STK32B: variants seen among roughly 807,000 people sequenced by gnomAD.
STK32B encodes serine/threonine-protein kinase 32B.
In STK32B, 43 loss-of-function variants were observed where a neutral mutation model predicts 52.6. That is an observed-to-expected ratio of 0.82 (90% CI 0.64 to 1.05). The LOEUF is 1.05. STK32B is among the 50% of genes least tolerant of loss of function. STK32B has a pLI of 0.00. For missense variants in STK32B, 621 were observed against 534.6 expected (o/e 1.16, Z -1.59); for synonymous variants, 238 against 204.3 (o/e 1.17, Z -1.41).
chr4:5,308,338 T>C (rs1004667151), intron 3 of STK32B, among the ~76,000 whole-genome samples: 1 of 152,170 alleles, frequency 6.6e-6, no homozygotes, highest in African/African-American at 2.4e-5. Context: ...TCACGAGTGG[T>C]TCTCCACATG....
chr4:5,110,306 G>A (rs928533403), intron 1 of STK32B, among the ~76,000 whole-genome samples: 62 of 124,570 alleles, frequency 5.0e-4, no homozygotes, highest in African/African-American at 1.7e-3. Context: ...AATGACCAAA[G>A]CACTCCTGAG....
chr4:5,332,333 T>G (rs1732314462), intron 4 of STK32B, among the ~76,000 whole-genome samples: 2 of 152,012 alleles, frequency 1.3e-5, no homozygotes, highest in South Asian at 4.1e-4. Flanking sequence ...GAAACTGAAT[T>G]TAATGTTGCT....
In STK32B at chr4:5,380,991, A is replaced by C. The variant is rs756671922; in HGVS notation, c.435-17216A>C. Among the ~76,000 whole-genome samples the C allele has an allele frequency of 1.3e-5, 2 of 152,186 alleles. No homozygotes were observed. Among genetic ancestry groups the C allele is most frequent in the Non-Finnish European group, 2.9e-5 (2 of 68,032 alleles). ...CCACCGCCTGGGAAGCAATTTGCAG[A>C]GCAGTTACACAGTGTAAATGACCAC... On this transcript the variant is annotated intron_variant, in intron 4 of 11. Transcript: ENST00000282908. This position sits in a 1 kb window ranked among gnomAD's most constrained non-coding sequence, Gnocchi z 4.3.
At chr4:5,328,588 T>G (rs530979835) in intron 3 of STK32B, among the ~76,000 whole-genome samples, 1 of 152,178 alleles carries the variant, frequency 6.6e-6, no homozygotes, top group Non-Finnish European at 1.5e-5. Context: ...TGGATGCCAT[T>G]TGAGGAGCTT....
chr4:5,299,414 C>G (rs562152646), intron 3 of STK32B, among the ~76,000 whole-genome samples: 12 of 144,936 alleles, frequency 8.3e-5, no homozygotes, highest in African/African-American at 3.4e-4. Flanking sequence ...TGAGGTCTTA[C>G]ATTTTTTTAA....
chr4:5,122,890 C>T (rs1484132457), intron 1 of STK32B, among the ~76,000 whole-genome samples: 2 of 152,148 alleles, frequency 1.3e-5, no homozygotes, highest in African/African-American at 4.8e-5. Context: ...GCCTGAGTCC[C>T]TTCTCCACCT....
At chr4:5,158,317 C>T (rs11931705) in intron 2 of STK32B, among the ~76,000 whole-genome samples, 2 of 151,952 alleles carry the variant, frequency 1.3e-5, no homozygotes, top group Admixed American at 6.6e-5. Flanking sequence ...GTCCTGGGGT[C>T]CCTGTGCCTT....
At chr4:5,310,830 A>G (rs980241629) in intron 3 of STK32B, among the ~76,000 whole-genome samples, 3 of 152,230 alleles carry the variant, frequency 2.0e-5, no homozygotes, top group Non-Finnish European at 2.9e-5. Context: ...AAAATGTGGT[A>G]TATGTACATG....
intron 6 of STK32B, among the ~76,000 whole-genome samples, chr4:5,421,018 G>C (rs1232560768): frequency 6.6e-6 from 1 of 152,178 alleles, no homozygotes; most frequent in African/African-American, 2.4e-5. Context: ...TCCTGCCTCA[G>C]CCTCCCAAGT....
intron 3 of STK32B, among the ~76,000 whole-genome samples, chr4:5,284,470 G>T (rs1016788966): frequency 1.7e-4 from 26 of 151,734 alleles, no homozygotes; most frequent in South Asian, 8.3e-4. Context: ...GGTTCGTATG[G>T]TTTTTTTTGT....
At chr4:5,427,909 T>C (rs1713233682) in intron 6 of STK32B, among the ~76,000 whole-genome samples, 1 of 151,544 alleles carries the variant, frequency 6.6e-6, no homozygotes, top group Non-Finnish European at 1.5e-5. Context: ...TTCTTCTCTC[T>C]TATCTCTTAT....
At chr4:5,299,258 C>A (rs1043958986) in intron 3 of STK32B, among the ~76,000 whole-genome samples, 7 of 151,994 alleles carry the variant, frequency 4.6e-5, no homozygotes, top group Non-Finnish European at 1.0e-4. Context: ...CTTGCCAGAT[C>A]CTTCTTTTTA....
chr4:5,460,108 G>T lies in STK32B; in HGVS notation c.789G>T (p.Leu263=). 1 of 1,614,186 alleles carries T rather than the reference G, an allele frequency of 6.2e-7. No individual in the cohort carries two copies. The change falls in exon 9 of 12, where the codon CTG becomes CTT. Residue 263 remains leucine, a synonymous_variant. Transcript: ENST00000282908. This position sits in a 1 kb window ranked among gnomAD's most constrained non-coding sequence, Gnocchi z 4.8. ...KGMVALLRKL[L]TKDPESRVSS... ...CATTTGCCCTCTAACTGCAGCTCCT[G>T]ACCAAGGATCCTGAGAGCCGCGTGT...
intron 3 of STK32B, among the ~76,000 whole-genome samples, chr4:5,230,178 C>CTT (rs752036100): frequency 0.019 from 1,365 of 71,068 alleles, 131 homozygotes; most frequent in African/African-American, 0.058. Context: ...CATGCATTCC[C>CTT]TTTTTTTTTT....
rs1717307586 is a variant in STK32B, at chr4:5,150,864, C to T, written c.108+10904C>T. 2.6e-5 allele frequency among the ~76,000 whole-genome samples: 4 copies of T among 152,284 alleles called. No individual in the cohort carries two copies. In the South Asian group the frequency reaches 8.3e-4, roughly 32 times the overall value. ...AAAATATTTTAGAGTAGTGTCTCAT[C>T]TTAATGTTGAGATTTTATGGCTTCA... On this transcript the variant is annotated intron_variant, in intron 2 of 11. Coordinates refer to ENST00000282908, the MANE Select transcript of STK32B (RefSeq NM_018401.3).
intron 6 of STK32B, among the ~76,000 whole-genome samples, chr4:5,443,860 A>G (rs10020821): frequency 0.093 from 14,205 of 152,034 alleles, 1,008 homozygotes; most frequent in East Asian, 0.4. Flanking sequence ...ATACCCTGCC[A>G]TGTGAGGTGT....
At position 5,467,091 on chromosome 4, in the gene STK32B, C is replaced by T. The variant is rs1033163805; in HGVS notation, c.1041+257C>T. On this transcript the variant is annotated intron_variant, in intron 10 of 11. Transcript: ENST00000282908. This position sits in a 1 kb window ranked among gnomAD's most constrained non-coding sequence, Gnocchi z 5.8. ...CTCTAAGGCAGGGGGAGGGACCCAG[C>T]GGTCCCACTGCGCCCTTGAGAAAGA... Among the ~76,000 whole-genome samples, 6 of 152,210 alleles carry T rather than the reference C, an allele frequency of 3.9e-5. No homozygotes were observed. The highest frequency in any genetic ancestry group is 2.1e-4 in the South Asian group (1 of 4,812).
chr4:5,182,462 C>CT (rs1720434985), intron 3 of STK32B, among the ~76,000 whole-genome samples: 3 of 151,360 alleles, frequency 2.0e-5, no homozygotes, highest in African/African-American at 4.9e-5. Context: ...CTTTTTTTTT[C>CT]CTTTTTTTTT....
At chr4:5,216,342 A>C (rs1290255619) in intron 3 of STK32B, among the ~76,000 whole-genome samples, 1 of 152,150 alleles carries the variant, frequency 6.6e-6, no homozygotes, top group Non-Finnish European at 1.5e-5. Flanking sequence ...AGGATGAAGA[A>C]ACAGACACAG....
Sources: gnomAD v4.1 joint callset for allele counts (sites outside exome capture counted in the v4.1 genomes callset) on GRCh38, gnomAD v4.1.1 for gene constraint, Gnocchi (gnomAD v3.1) non-coding constraint, MANE v1.5 for transcripts, NCBI Gene and HGNC (gene_info 2026-07-23, HGNC 2026-07-21) for gene names.